Variants in LGR4 observed in about 807,000 individuals in gnomAD.
LGR4 encodes leucine-rich repeat-containing G protein-coupled receptor 4.
Under a neutral mutation model 84.8 loss-of-function variants are expected in LGR4, and 44 were observed. That is an observed-to-expected ratio of 0.52 (90% CI 0.41 to 0.67). LGR4 has a LOEUF of 0.67. LGR4 is among the 30% of genes least tolerant of loss of function. LGR4 has a pLI of 0.00. For synonymous variants in LGR4, 429 were observed against 434.3 expected (o/e 0.99, Z 0.15); for missense variants, 1,032 against 1,131.4 (o/e 0.91, Z 1.26).
intron 1 of LGR4, among the ~76,000 whole-genome samples, chr11:27,421,350 G>A (rs1863920077): frequency 6.6e-6 from 1 of 152,130 alleles, no homozygotes; most frequent in Non-Finnish European, 1.5e-5. Context: ...ATTTGCTTGT[G>A]TTAGCAAGTA....
chr11:27,443,128 C>T (rs934338023), intron 1 of LGR4, among the ~76,000 whole-genome samples: 3 of 152,132 alleles, frequency 2.0e-5, no homozygotes, highest in African/African-American at 7.2e-5. Flanking sequence ...ACAAGGATGC[C>T]TCAAAAATGG....
intron 2 of LGR4, among the ~76,000 whole-genome samples, chr11:27,403,838 T>A (rs1863550454): frequency 6.6e-6 from 1 of 152,244 alleles, no homozygotes; most frequent in South Asian, 2.1e-4. Context: ...TTTTTATAAC[T>A]ATGATTTTTT....
chr11:27,389,115 T>C (rs983143749), intron 4 of LGR4, among the ~76,000 whole-genome samples: 2 of 152,118 alleles, frequency 1.3e-5, no homozygotes, highest in African/African-American at 4.8e-5. Context: ...GTAATTCAGA[T>C]CTGAAGAACA....
chr11:27,410,234 C>T (rs1292588284), intron 2 of LGR4, among the ~76,000 whole-genome samples: 1 of 152,138 alleles, frequency 6.6e-6, no homozygotes, highest in Non-Finnish European at 1.5e-5. Context: ...TTCCCAGCAC[C>T]TGCCACCTGG....
At chr11:27,401,957 G>A (rs903355431) in intron 2 of LGR4, among the ~76,000 whole-genome samples, 18 of 152,158 alleles carry the variant, frequency 1.2e-4, no homozygotes, top group African/African-American at 4.3e-4. Context: ...AGAGGGGCTT[G>A]GAAAAGGAAG....
chr11:27,431,628 T>C (rs1864117468), intron 1 of LGR4, among the ~76,000 whole-genome samples: 1 of 152,200 alleles, frequency 6.6e-6, no homozygotes, highest in African/African-American at 2.4e-5. Flanking sequence ...CTTCCTTCTG[T>C]TTTTCTTCTT....
chr11:27,375,848 T>C lies in LGR4; in HGVS notation c.1181+451A>G, dbSNP rs145924261. On this transcript the variant is annotated intron_variant, in intron 13 of 17. Transcript: ENST00000379214. The stretch of plus-strand genomic sequence containing the variant: ...CATTACACATTTTTCTACTTGCCAA[T>C]GTACAATTAGCTAAAGTAAAAAATA... Among the ~76,000 whole-genome samples, 37 of 152,300 alleles carry C rather than the reference T, an allele frequency of 2.4e-4. No individual in the cohort carries two copies. The East Asian group carries it at 3.7e-3, about 15-fold the overall frequency.
At chr11:27,460,765 G>A (rs1864666154) in intron 1 of LGR4, among the ~76,000 whole-genome samples, 2 of 152,126 alleles carry the variant, frequency 1.3e-5, no homozygotes, top group South Asian at 2.1e-4. Flanking sequence ...TATTCCATAT[G>A]TTTTCTTTGT....
chr11:27,373,653 G>C lies in LGR4; in HGVS notation c.1277C>G (p.Thr426Ser), dbSNP rs1172779197. ...ATTCAGGCCTTCCGTAGGAAAGGAA[G>C]TTAATTCATTGAAACTTACATCTCT... ...TNLDVSFNEL[T>S]SFPTEGLNGL... Residue 426 changes from threonine (T) to serine (S), a missense_variant, in exon 15 of 18, where the codon ACT (threonine) becomes AGT (serine). Transcript: ENST00000379214. 1 of 1,583,700 alleles carries C rather than the reference G, an allele frequency of 6.3e-7. No homozygotes were observed. The highest frequency in any genetic ancestry group is 8.6e-7 in the Non-Finnish European group (1 of 1,163,686).
In LGR4 at chr11:27,366,533, T is replaced by C. The variant is rs1288491541; in HGVS notation, c.*1334A>G. ...AAACTGCAATCTAGCTGGATTTTTT[T>C]AGTATATTCAGAATAACTAATATGG... On this transcript the variant is annotated 3_prime_UTR_variant, in exon 18 of 18. Transcript: ENST00000379214. 1 of 152,592 alleles carries C rather than the reference T, an allele frequency of 6.6e-6. No homozygotes were observed. Among genetic ancestry groups the C allele is most frequent in the Non-Finnish European group, 1.5e-5 (1 of 67,980 alleles). 9.5% of individuals were successfully genotyped at this position (152,592 alleles called of 1,614,324 possible).
chr11:27,392,402 GA>G, intron 3 of LGR4, 44 bp downstream of exon 3: 1 of 1,443,440 alleles, frequency 6.9e-7, no homozygotes, highest in South Asian at 1.3e-5. Flanking sequence ...TACGCAGAAA[GA>G]AAATACACAG....
chr11:27,382,051 T>C, intron 7 of LGR4, 137 bp downstream of exon 7: 1 of 632,182 alleles, frequency 1.6e-6, no homozygotes, highest in Non-Finnish European at 2.8e-6. Flanking sequence ...AATCCAACTT[T>C]ATGATTATTT....
At chr11:27,411,799 C>T (rs944054107) in intron 2 of LGR4, among the ~76,000 whole-genome samples, 3 of 152,062 alleles carry the variant, frequency 2.0e-5, no homozygotes, top group Non-Finnish European at 4.4e-5. Flanking sequence ...AGTACATAAC[C>T]TGGATATCTT....
chr11:27,432,262 TC>T (rs1864128790), intron 1 of LGR4, among the ~76,000 whole-genome samples: 1 of 152,160 alleles, frequency 6.6e-6, no homozygotes, highest in Admixed American at 6.5e-5. Context: ...TTGAACACCT[TC>T]TCTCCCCAGC....
At chr11:27,369,166 G>A (rs1301792588) in intron 17 of LGR4, 23 bp from the exon 18 acceptor site, 1 of 1,524,036 alleles carries the variant, frequency 6.6e-7, no homozygotes, top group Non-Finnish European at 8.8e-7. Context: ...CACACAGAGA[G>A]AGAGAAATAA....
At chr11:27,451,365 G>C (rs1219529099) in intron 1 of LGR4, among the ~76,000 whole-genome samples, 1 of 152,164 alleles carries the variant, frequency 6.6e-6, no homozygotes, top group African/African-American at 2.4e-5. Context: ...GCCAGGCACT[G>C]CTGAGCTTGG....
intron 2 of LGR4, among the ~76,000 whole-genome samples, chr11:27,395,910 T>C (rs894116782): frequency 6.6e-6 from 1 of 152,036 alleles, no homozygotes; most frequent in African/African-American, 2.4e-5. Flanking sequence ...GTCTAAAAGC[T>C]CAGATTCAGA....
intron 2 of LGR4, among the ~76,000 whole-genome samples, chr11:27,409,995 T>C (rs990355859): frequency 6.6e-6 from 1 of 152,188 alleles, no homozygotes; most frequent in African/African-American, 2.4e-5. Flanking sequence ...TCTGCAATGA[T>C]GGAAATGATC....
At chr11:27,429,347 TG>T (rs1385972279) in intron 1 of LGR4, among the ~76,000 whole-genome samples, 1 of 151,906 alleles carries the variant, frequency 6.6e-6, no homozygotes, top group Non-Finnish European at 1.5e-5. Context: ...TAGCTGGGCA[TG>T]GTGGCAGGTA....
Sources: gnomAD v4.1 joint callset for allele counts (sites outside exome capture counted in the v4.1 genomes callset) on GRCh38, gnomAD v4.1.1 for gene constraint, MANE v1.5 for transcripts, NCBI Gene and HGNC (gene_info 2026-07-23, HGNC 2026-07-21) for gene names.